Variants in CD24 observed in about 807,000 individuals in gnomAD.
CD24 encodes the protein CD24 molecule.
In CD24, 2 loss-of-function variants were observed where a neutral mutation model predicts 3.6. That is an observed-to-expected ratio of 0.56 (90% CI 0.23 to 1.77). The LOEUF (loss-of-function observed/expected upper bound fraction) is 1.77. CD24 is among the 40% of genes most tolerant of loss of function. CD24 has a pLI of 0.18. For missense variants in CD24, 62 were observed against 93.6 expected (o/e 0.66, Z 1.39); for synonymous variants, 33 against 44.9 (o/e 0.74, Z 1.06).
At chr6:106,973,192 T>C (rs1773014818) in intron 1 of CD24, among the ~76,000 whole-genome samples, 1 of 152,184 alleles carries the variant, frequency 6.6e-6, no homozygotes, top group Non-Finnish European at 1.5e-5. Flanking sequence ...TAAAACCTGG[T>C]GTATCAATCT....
In CD24 at chr6:106,974,729, T is replaced by C. The variant is rs2114901969; in HGVS notation, c.-83A>G. 2 of 1,407,258 alleles carry C rather than the reference T, an allele frequency of 1.4e-6. No homozygotes were observed. The highest frequency in any genetic ancestry group is 3.0e-5 in the East Asian group (1 of 33,268). The allele number at this position is 1,407,258 out of a possible 1,614,324, so 87.2% of individuals were successfully genotyped here. A position where few individuals can be genotyped will look rare whatever the true frequency, so the allele number is the denominator to read the frequency against. On this transcript the variant is annotated 5_prime_UTR_variant, in exon 1 of 2. Coordinates refer to ENST00000606017, the MANE Select transcript of CD24 (RefSeq NM_001359084.1). ...TGGCTCCGGGCGGGCGCAGGCAAGG[T>C]GGGGAGCGCGGCGAGCCGGCGAGAC...
chr6:106,973,361 G>C (rs1340938779), intron 1 of CD24: 3 of 317,096 alleles, frequency 9.5e-6, no homozygotes, highest in African/African-American at 2.1e-5. Flanking sequence ...ATGGGGCGGG[G>C]AGTGGAGGGG....
intron 1 of CD24, chr6:106,973,538 G>A (rs987131373): frequency 4.5e-5 from 18 of 397,624 alleles, no homozygotes; most frequent in African/African-American, 3.5e-4. Flanking sequence ...TTCGATGTCT[G>A]GGGACGGAGG....
upstream of CD24, chr6:106,974,832 C>G (rs1435485127): frequency 9.9e-6 from 4 of 405,202 alleles, no homozygotes; most frequent in Non-Finnish European, 1.7e-5. Context: ...CGCCGCCCGC[C>G]GCCTCCCCGC....
At chr6:106,974,886 CGCCACT>C (rs1186789023), upstream of CD24, 8 of 160,886 alleles carry the variant, frequency 5.0e-5, no homozygotes, top group African/African-American at 7.3e-5. Flanking sequence ...CCGCCGCCGC[CGCCACT>C]GCCACCGCCG....
At chr6:106,974,547 C>T in intron 1 of CD24, 31 bp downstream of exon 1, 2 of 1,363,004 alleles carry the variant, frequency 1.5e-6, no homozygotes, top group South Asian at 1.5e-5. Context: ...CGGGAACGGC[C>T]CTCGAGCCCC....
rs1422573240 is a variant in CD24, at chr6:106,970,229, G to A, written c.*1432C>T. ...GAATCAAGCCCACTTTTAGGCTTAG[G>A]ACCAGGTTCTAACTATCTAAAAATA... On this transcript the variant is annotated 3_prime_UTR_variant, in exon 2 of 2. Transcript: ENST00000606017. 2 of 152,444 alleles carry A rather than the reference G, an allele frequency of 1.3e-5. No individual in the cohort carries two copies. Among genetic ancestry groups the A allele is most frequent in the Admixed American group, 6.6e-5 (1 of 15,264 alleles). The allele number at this position is 152,444 out of a possible 1,614,324, so 9.4% of individuals were successfully genotyped here. A position where few individuals can be genotyped will look rare whatever the true frequency, so the allele number is the denominator to read the frequency against.
upstream of CD24, chr6:106,975,464 GCTCGGCCCCGCGGCCGCGCC>G (rs1773091366): frequency 6.6e-6 from 1 of 152,162 alleles, no homozygotes; most frequent in Non-Finnish European, 1.5e-5. Context: ...CGATCTGCGC[GCTCGGCCCCGCGGCCGCGCC>G]CTCCCCGAAG....
rs1490663958 is a variant in CD24, at chr6:106,969,953, C to A, written c.*1708G>T. On this transcript the variant is annotated 3_prime_UTR_variant, in exon 2 of 2. Coordinates refer to ENST00000606017, the MANE Select transcript of CD24 (RefSeq NM_001359084.1). The stretch of plus-strand genomic sequence containing the variant: ...CAATATACAATCCAAAATAGATGTA[C>A]AGCATTCTGGAATAAAGCAAGAGTG... 140 of 151,044 alleles carry A rather than the reference C, an allele frequency of 9.3e-4. No homozygotes were observed. Among genetic ancestry groups the A allele is most frequent in the African/African-American group, 3.3e-3 (134 of 41,162 alleles). The allele number at this position is 151,044 out of a possible 1,614,324, so 9.4% of individuals were successfully genotyped here. A position where few individuals can be genotyped will look rare whatever the true frequency, so the allele number is the denominator to read the frequency against.
At position 106,970,523 on chromosome 6, in the gene CD24, T is replaced by A. The variant is rs1325177894; in HGVS notation, c.*1138A>T. 6.6e-6 allele frequency: 1 copy of A among 152,406 alleles called. No individual in the cohort carries two copies. Among genetic ancestry groups the A allele is most frequent in the Non-Finnish European group, 1.5e-5 (1 of 68,042 alleles). 9.4% of individuals were successfully genotyped at this position (152,406 alleles called of 1,614,324 possible). On this transcript the variant is annotated 3_prime_UTR_variant, in exon 2 of 2. Coordinates refer to ENST00000606017, the MANE Select transcript of CD24 (RefSeq NM_001359084.1). ...TCAACATATGCAGAAATAAAAAGCA[T>A]TTTGATGGCTGGGCGCGGGGGCTCA... is the stretch of plus-strand genomic sequence containing the variant.
chr6:106,972,343 T>C (rs1275050219), intron 1 of CD24, among the ~76,000 whole-genome samples: 2 of 152,254 alleles, frequency 1.3e-5, no homozygotes, highest in Non-Finnish European at 2.9e-5. Flanking sequence ...CTTGGTAACT[T>C]AGCCTTTTCC....
upstream of CD24, among the ~76,000 whole-genome samples, chr6:106,975,809 C>G (rs1252358526): frequency 1.3e-5 from 2 of 152,254 alleles, no homozygotes; most frequent in Non-Finnish European, 2.9e-5. Context: ...CACCGTCCCT[C>G]TCGAATTCCT....
At position 106,974,634 on chromosome 6, in the gene CD24, T is replaced by C. The variant is rs1773060370; in HGVS notation, c.13A>G (p.Met5Val). 2.0e-6 allele frequency: 3 copies of C among 1,488,332 alleles called. No homozygotes were observed. The highest frequency in any genetic ancestry group is 1.5e-5 in the African/African-American group (1 of 68,508). 92.2% of individuals were successfully genotyped at this position (1,488,332 alleles called of 1,614,324 possible). MGRA[M>V]VARLGLGLLL... ...AGCCCCAGCCCGAGCCTGGCCACCA[T>C]TGCTCTGCCCATGTCCCCTCCGTCG... Residue 5 changes from methionine (M) to valine (V), a missense_variant, in exon 1 of 2, where the codon ATG becomes GTG. Transcript: ENST00000606017.
At chr6:106,973,299 T>C (rs975035675) in intron 1 of CD24, 23 of 197,916 alleles carry the variant, frequency 1.2e-4, no homozygotes, top group Admixed American at 1.8e-4. Context: ...ATTCGCATTA[T>C]TAAAACTTCT....
At chr6:106,976,052 T>C (rs1201179545), upstream of CD24, among the ~76,000 whole-genome samples, 1 of 152,236 alleles carries the variant, frequency 6.6e-6, no homozygotes, top group Admixed American at 6.5e-5. Context: ...TGGTGGAGTA[T>C]TTTGAGTTTA....
chr6:106,976,651 C>T (rs1261251164), upstream of CD24, among the ~76,000 whole-genome samples: 2 of 152,134 alleles, frequency 1.3e-5, no homozygotes, highest in Non-Finnish European at 2.9e-5. Flanking sequence ...CCAGACCAAC[C>T]TGACCAACAT....
In CD24 at chr6:106,971,308, A is replaced by C; in HGVS notation, c.*353T>G. The C allele has an allele frequency of 4.3e-6, 1 of 230,562 alleles. No individual in the cohort carries two copies. The highest frequency in any genetic ancestry group is 8.4e-6 in the Non-Finnish European group (1 of 119,284). The allele number at this position is 230,562 out of a possible 1,614,324, so 14.3% of individuals were successfully genotyped here. ...AATGAAAACTGAATCTCCATTCCAC[A>C]ATCCCATCCTTTATTTCTATTCTTA... On this transcript the variant is annotated 3_prime_UTR_variant, in exon 2 of 2. Coordinates refer to ENST00000606017, the MANE Select transcript of CD24 (RefSeq NM_001359084.1).
At position 106,970,643 on chromosome 6, in the gene CD24, C is replaced by A. The variant is rs1181503281; in HGVS notation, c.*1018G>T. On this transcript the variant is annotated 3_prime_UTR_variant, in exon 2 of 2. Transcript: ENST00000606017. ...CCTGGGCAACATGGTGAAACCCTGTCTCTACTAAAATTACAAAAATTAGCC... is the reference window on the plus strand; with the variant it reads ...CCTGGGCAACATGGTGAAACCCTGTATCTACTAAAATTACAAAAATTAGCC... The A allele has an allele frequency of 6.6e-6, 1 of 152,060 alleles. No homozygotes were observed. The highest frequency in any genetic ancestry group is 1.5e-5 in the Non-Finnish European group (1 of 68,022). 9.4% of individuals were successfully genotyped at this position (152,060 alleles called of 1,614,324 possible).
rs1394268282 is a variant in CD24 at position 106,970,618 on chromosome 6, C to T, written c.*1043G>A. The stretch of plus-strand genomic sequence containing the variant: ...CCTGAGGTCAGGAGTTCGAAACCAG[C>T]CTGGGCAACATGGTGAAACCCTGTC... On this transcript the variant is annotated 3_prime_UTR_variant, in exon 2 of 2. Coordinates refer to ENST00000606017, the MANE Select transcript of CD24 (RefSeq NM_001359084.1). 3.3e-5 allele frequency: 5 copies of T among 152,046 alleles called. No individual in the cohort carries two copies. The highest frequency in any genetic ancestry group is 3.3e-4 in the Admixed American group (5 of 15,262). 9.4% of individuals were successfully genotyped at this position (152,046 alleles called of 1,614,324 possible). A position where few individuals can be genotyped will look rare whatever the true frequency, so the allele number is the denominator to read the frequency against.
Sources: gnomAD v4.1 joint callset for allele counts (sites outside exome capture counted in the v4.1 genomes callset) on GRCh38, gnomAD v4.1.1 for gene constraint, MANE v1.5 for transcripts, NCBI Gene and HGNC (gene_info 2026-07-23, HGNC 2026-07-21) for gene names.